Variants in CD44 observed in about 807,000 individuals in gnomAD.
CD44 encodes the protein CD44 molecule (IN blood group).
A neutral mutation model predicts 88.8 loss-of-function variants in CD44; 49 were observed. That is an observed-to-expected ratio of 0.55 (90% CI 0.44 to 0.70). The LOEUF (loss-of-function observed/expected upper bound fraction) is 0.70. Among genes scored for constraint, CD44 ranks in the 30% least tolerant of loss-of-function variants. CD44 has a pLI of 0.00. For synonymous variants in CD44, 325 were observed against 312.3 expected, an observed-to-expected ratio of 1.04 and a Z score of -0.43; for missense variants, 883 against 913.8, an observed-to-expected ratio of 0.97 and a Z score of 0.43.
At chr11:35,212,136 A>G (rs1485894771) in intron 14 of CD44, among the ~76,000 whole-genome samples, 1 of 152,126 alleles carries the variant, frequency 6.6e-6, no homozygotes, top group African/African-American at 2.4e-5. Context: ...TCAAATAAGT[A>G]GTCATCTCTG....
chr11:35,164,134 A>T (rs905430068), intron 1 of CD44, among the ~76,000 whole-genome samples: 2 of 152,036 alleles, frequency 1.3e-5, no homozygotes, highest in African/African-American at 4.8e-5. Flanking sequence ...TTACAGCCAC[A>T]TCCATTACCC....
intron 6 of CD44, chr11:35,197,875 T>G (rs774371377): frequency 3.8e-5 from 17 of 451,912 alleles, no homozygotes; most frequent in Non-Finnish European, 5.9e-5. Flanking sequence ...TGAGATTATG[T>G]CCACACTTAT....
At chr11:35,185,499 T>C (rs1338846072) in intron 3 of CD44, among the ~76,000 whole-genome samples, 2 of 152,176 alleles carry the variant, frequency 1.3e-5, no homozygotes, top group Non-Finnish European at 2.9e-5. Context: ...ACAAAAATTA[T>C]AGCAGGACAC....
chr11:35,228,868 G>T (rs1591371256), intron 17 of CD44, among the ~76,000 whole-genome samples: 1 of 152,264 alleles, frequency 6.6e-6, no homozygotes, highest in East Asian at 1.9e-4. Flanking sequence ...CTGAGAATTT[G>T]TATTTCTAAC....
In CD44 at chr11:35,201,662, T is replaced by C. The variant is rs753830481; in HGVS notation, c.1037-9T>C. On this transcript the variant is annotated splice_polypyrimidine_tract_variant and intron_variant, in intron 8 of 17. Transcript: ENST00000428726. ...CAAGTCACAGTGTATTTAACCATCA[T>C]CACAGCAGATGTAGACAGAAATGGC... The C allele has an allele frequency of 6.2e-7, 1 of 1,613,468 alleles. No individual in the cohort carries two copies. Among genetic ancestry groups the C allele is most frequent in the Non-Finnish European group, 8.5e-7 (1 of 1,179,546 alleles).
At chr11:35,190,800 T>C (rs1270804927) in intron 5 of CD44, among the ~76,000 whole-genome samples, 1 of 152,256 alleles carries the variant, frequency 6.6e-6, no homozygotes, top group Non-Finnish European at 1.5e-5. Flanking sequence ...TTAAGAGCTC[T>C]ATAATCCAGC....
At chr11:35,140,467 G>T (rs886252281) in intron 1 of CD44, among the ~76,000 whole-genome samples, 5 of 152,182 alleles carry the variant, frequency 3.3e-5, no homozygotes, top group African/African-American at 4.8e-5. Context: ...TTCCACGGGA[G>T]TACTGAGAAA....
At position 35,210,039 on chromosome 11, in the gene CD44, A is replaced by G; in HGVS notation, c.1591A>G (p.Thr531Ala). Reference protein sequence around the residue: ...EEDKDHPTTSTLTSSNRNDVT... With the variant: ...EEDKDHPTTSALTSSNRNDVT... The stretch of plus-strand genomic sequence containing the variant: ...AGATAAAGACCATCCAACAACTTCT[A>G]CTCTGACATCAAGCAGTAAGGATTA... The change falls in exon 13 of 18, where the codon ACT becomes GCT. Residue 531 changes from threonine to alanine, a missense_variant. Thr to Ala is a moderately conservative substitution (Grantham distance 58). Transcript: ENST00000428726. 1.3e-6 allele frequency: 2 copies of G among 1,552,240 alleles called. No homozygotes were observed. The highest frequency in any genetic ancestry group is 1.7e-6 in the Non-Finnish European group (2 of 1,154,908).
At chr11:35,143,588 T>C (rs541455495) in intron 1 of CD44, among the ~76,000 whole-genome samples, 1 of 152,194 alleles carries the variant, frequency 6.6e-6, no homozygotes, top group South Asian at 2.1e-4. Flanking sequence ...CTTCAATTCA[T>C]TACGTGTCTG....
At chr11:35,139,487 C>T in intron 1 of CD44, 117 bp downstream of exon 1, 2 of 896,996 alleles carry the variant, frequency 2.2e-6, no homozygotes, top group Non-Finnish European at 3.7e-6. Context: ...GAGCTGTCTG[C>T]GAAGTGCATT....
chr11:35,194,911 G>C (rs9943592), intron 5 of CD44, among the ~76,000 whole-genome samples: 1,823 of 152,294 alleles, frequency 0.012, 33 homozygotes, highest in African/African-American at 0.042. Context: ...GGAAAGTGCA[G>C]GCTTCTCCTT....
At chr11:35,176,180 C>T (rs1944448845) in intron 1 of CD44, among the ~76,000 whole-genome samples, 1 of 151,866 alleles carries the variant, frequency 6.6e-6, no homozygotes, top group Non-Finnish European at 1.5e-5. Flanking sequence ...GCAGCTGGGA[C>T]TACAGGCGCC....
At chr11:35,173,241 CT>C (rs1444684307) in intron 1 of CD44, among the ~76,000 whole-genome samples, 1 of 152,218 alleles carries the variant, frequency 6.6e-6, no homozygotes, top group Non-Finnish European at 1.5e-5. Context: ...AGAGGCTCCC[CT>C]ATCAGCCTTA....
At chr11:35,226,430 C>T (rs571142655) in intron 17 of CD44, among the ~76,000 whole-genome samples, 3 of 152,204 alleles carry the variant, frequency 2.0e-5, no homozygotes, top group Non-Finnish European at 4.4e-5. Flanking sequence ...GGAAGTAACA[C>T]AAGCAGTATT....
intron 1 of CD44, among the ~76,000 whole-genome samples, chr11:35,145,367 T>C (rs1858913751): frequency 6.6e-6 from 1 of 152,206 alleles, no homozygotes. Context: ...AATACATTTA[T>C]GTGTAAGTGA....
chr11:35,184,328 T>G (rs779671677), intron 3 of CD44, among the ~76,000 whole-genome samples: 56 of 152,218 alleles, frequency 3.7e-4, no homozygotes, highest in Non-Finnish European at 6.8e-4. Flanking sequence ...TGTGACATCA[T>G]GCTCCATTCT....
At position 35,225,950 on chromosome 11, in the gene CD44, A is replaced by G. The variant is rs115713514; in HGVS notation, c.2025-3179A>G. Among the ~76,000 whole-genome samples, 901 of 152,378 alleles carry G rather than the reference A, an allele frequency of 5.9e-3. 13 individuals carry two copies. The highest frequency in any genetic ancestry group is 0.021 in the African/African-American group (858 of 41,590). ...TTGGACTTGGTGTCCAGTTTACATA[A>G]TGAAGAAGCTGGGCTAGATGATCTC... On this transcript the variant is annotated intron_variant, in intron 17 of 17. Coordinates refer to ENST00000428726, the MANE Select transcript of CD44 (RefSeq NM_000610.4).
intron 17 of CD44, among the ~76,000 whole-genome samples, chr11:35,227,566 A>G (rs2134455859): frequency 6.6e-6 from 1 of 152,330 alleles, no homozygotes; most frequent in South Asian, 2.1e-4. Context: ...TCACAGTTCA[A>G]GCATCCTTCC....
chr11:35,224,722 G>T (rs1949572941), intron 17 of CD44, among the ~76,000 whole-genome samples: 1 of 152,154 alleles, frequency 6.6e-6, no homozygotes, highest in Admixed American at 6.6e-5. Context: ...AACAGAGTGA[G>T]ACCCTGTCTC....
Sources: allele counts gnomAD v4.1 joint callset (sites outside exome capture counted in the v4.1 genomes callset), GRCh38; gene constraint gnomAD v4.1.1; transcripts MANE v1.5; gene names NCBI Gene and HGNC (gene_info 2026-07-23, HGNC 2026-07-21).